FIGN: variants seen among roughly 807,000 people sequenced by gnomAD.
FIGN encodes fidgetin.
A neutral mutation model predicts 51.3 loss-of-function variants in FIGN; 11 were observed. The ratio of observed to expected loss-of-function variants is 0.21; its 90% CI spans 0.13 to 0.35. The LOEUF is 0.35. FIGN is among the 10% of genes least tolerant of loss of function. The probability of loss-of-function intolerance (pLI) is 1.00; values close to 1 mark genes in which losing one functional copy is unlikely to be tolerated. For synonymous variants in FIGN, 407 were observed against 363.2 expected (o/e 1.12, Z -1.37); for missense variants, 857 against 943.6 (o/e 0.91, Z 1.20).
intron 2 of FIGN, among the ~76,000 whole-genome samples, chr2:163,642,029 A>G (rs1683313601): frequency 6.6e-6 from 1 of 152,216 alleles, no homozygotes; most frequent in Non-Finnish European, 1.5e-5. Flanking sequence ...GCATGATCAT[A>G]CACCAGCCTA....
chr2:163,686,033 C>T (rs1328287736), intron 2 of FIGN, among the ~76,000 whole-genome samples: 2 of 152,214 alleles, frequency 1.3e-5, no homozygotes, highest in East Asian at 3.8e-4. Context: ...GTCAATTTCG[C>T]AGTAAGCCTT....
rs1436555050 is a variant in FIGN, at chr2:163,725,438, A to AT, written c.25+9464dup. Among the ~76,000 whole-genome samples, 17 of 152,150 alleles carry AT rather than the reference A, an allele frequency of 1.1e-4. No individual in the cohort carries two copies. The East Asian group carries it at 2.5e-3, about 22-fold the overall frequency. ...AACAAGCTGTTAGAAAATAAAGACA[A>AT]TTTTTTTAAAAATTATGTATTTAAG... On this transcript the variant is annotated intron_variant, in intron 2 of 2. Coordinates refer to ENST00000333129, the MANE Select transcript of FIGN (RefSeq NM_018086.4).
In FIGN at chr2:163,610,833, A is replaced by G. The variant is rs1421838122; in HGVS notation, c.999T>C (p.Tyr333=). ...TCTGTTGGCCATAGCTGTAATTTCCATAACTGGAGTCCATATCTCCTTGCC... is the reference window on the plus strand; with the variant it reads ...TCTGTTGGCCATAGCTGTAATTTCCGTAACTGGAGTCCATATCTCCTTGCC... ...MAGQGDMDSS[Y]GNYSYGQQRS... The change falls in exon 3 of 3, where the codon TAT becomes TAC. Residue 333 remains tyrosine, a synonymous_variant. Coordinates refer to ENST00000333129, the MANE Select transcript of FIGN (RefSeq NM_018086.4). 1 of 1,613,590 alleles carries G rather than the reference A, an allele frequency of 6.2e-7. No homozygotes were observed. The highest frequency in any genetic ancestry group is 1.3e-5 in the African/African-American group (1 of 74,740).
rs151256634 is a variant in FIGN, at chr2:163,712,075, C to T, written c.25+22828G>A. On this transcript the variant is annotated intron_variant, in intron 2 of 2. Transcript: ENST00000333129. ...CCTTTTTTTAAACATAAGAATGATG[C>T]ACCAGGAACAACTACAAAGTACAAA... Among the ~76,000 whole-genome samples the T allele has an allele frequency of 2.1e-3, 326 of 152,166 alleles. 1 individual carries two copies. Among genetic ancestry groups the T allele is most frequent in the African/African-American group, 7.3e-3 (304 of 41,522 alleles).
intron 2 of FIGN, among the ~76,000 whole-genome samples, chr2:163,690,734 G>C (rs1221990424): frequency 6.6e-6 from 1 of 152,062 alleles, no homozygotes; most frequent in Non-Finnish European, 1.5e-5. Flanking sequence ...ATTATTTTAT[G>C]TGTATTTAAT....
chr2:163,733,028 G>T (rs1474501829), intron 2 of FIGN, among the ~76,000 whole-genome samples: 1 of 152,110 alleles, frequency 6.6e-6, no homozygotes, highest in African/African-American at 2.4e-5. Context: ...AAAATAATCA[G>T]AGTAAAGAAT....
At position 163,610,925 on chromosome 2, in the gene FIGN, T is replaced by C. The variant is rs763838524; in HGVS notation, c.907A>G (p.Ile303Val). 11 of 1,612,486 alleles carry C rather than the reference T, an allele frequency of 6.8e-6. No individual in the cohort carries two copies. In the African/African-American group the frequency reaches 8.1e-5, roughly 12 times the overall value. Reference protein sequence around the residue: ...YTYQGHGLTPIAPSALTNSSA... With the variant: ...YTYQGHGLTPVAPSALTNSSA... ...CTGTTTGTCAGAGCCGACGGTGCAA[T>C]AGGTGTCAAACCATGGCCCTGGTAG... is the stretch of plus-strand genomic sequence containing the variant. Residue 303 changes from isoleucine (I) to valine (V), a missense_variant, in exon 3 of 3, where the codon ATT (isoleucine) becomes GTT (valine). Around this residue, in one of 3 missense-constraint regions of FIGN, gnomAD observed 799 missense variants for 849.5 expected, o/e 0.94. Transcript: ENST00000333129.
intron 2 of FIGN, among the ~76,000 whole-genome samples, chr2:163,733,942 CA>C (rs36027114): frequency 0.6 from 59,734 of 100,038 alleles, 15,566 homozygotes; most frequent in East Asian, 0.72. Flanking sequence ...TAGCAACAAC[CA>C]AAAAAAAAAA....
At chr2:163,667,401 C>T (rs1238665328) in intron 2 of FIGN, among the ~76,000 whole-genome samples, 3 of 151,172 alleles carry the variant, frequency 2.0e-5, no homozygotes, top group African/African-American at 7.3e-5. Context: ...TGCTTGAAAT[C>T]TGTCAACATT....
At chr2:163,731,385 A>G (rs931556273) in intron 2 of FIGN, among the ~76,000 whole-genome samples, 2 of 152,166 alleles carry the variant, frequency 1.3e-5, no homozygotes, top group African/African-American at 4.8e-5. Context: ...ATTCTTGGAA[A>G]TACTACCTAT....
intron 2 of FIGN, among the ~76,000 whole-genome samples, chr2:163,700,162 T>C (rs1027484354): frequency 4.6e-5 from 7 of 152,172 alleles, no homozygotes; most frequent in Non-Finnish European, 1.0e-4. Flanking sequence ...TAGTAAACTA[T>C]TGACATTGTG....
intron 2 of FIGN, among the ~76,000 whole-genome samples, chr2:163,635,359 C>T (rs144181659): frequency 1.5e-3 from 225 of 152,204 alleles, no homozygotes; most frequent in Middle Eastern, 3.4e-3. Flanking sequence ...CTTGAACCTA[C>T]GAGCTAGAGA....
rs1691015656 is a variant in FIGN, at chr2:163,603,352, G to A, written c.*6200C>T. On this transcript the variant is annotated 3_prime_UTR_variant, in exon 3 of 3. Coordinates refer to ENST00000333129, the MANE Select transcript of FIGN (RefSeq NM_018086.4). The stretch of plus-strand genomic sequence containing the variant: ...AGGGGTCAAAATCTGGTCAAATCCA[G>A]CGTATTGTTTCAATTTAAGCAAATA... 1 of 152,042 alleles carries A rather than the reference G, an allele frequency of 6.6e-6. No homozygotes were observed. Among genetic ancestry groups the A allele is most frequent in the South Asian group, 2.1e-4 (1 of 4,832 alleles). 9.4% of individuals were successfully genotyped at this position (152,042 alleles called of 1,614,324 possible).
chr2:163,719,453 C>A (rs1193705651), intron 2 of FIGN, among the ~76,000 whole-genome samples: 1 of 152,144 alleles, frequency 6.6e-6, no homozygotes, highest in Non-Finnish European at 1.5e-5. Flanking sequence ...CACAGCCCAA[C>A]CAACTGACTT....
chr2:163,732,292 G>C (rs1269937850), intron 2 of FIGN, among the ~76,000 whole-genome samples: 1 of 152,188 alleles, frequency 6.6e-6, no homozygotes, highest in Non-Finnish European at 1.5e-5. Flanking sequence ...TAGAGACGAT[G>C]TGTACAAGCA....
At position 163,605,098 on chromosome 2, in the gene FIGN, A is replaced by G. The variant is rs1390034943; in HGVS notation, c.*4454T>C. ...GGCAAGGCTGACCCATGCTGCCGAC[A>G]TTCTACATATCACTGAGACAGGGAG... On this transcript the variant is annotated 3_prime_UTR_variant, in exon 3 of 3. Coordinates refer to ENST00000333129, the MANE Select transcript of FIGN (RefSeq NM_018086.4). 1 of 151,960 alleles carries G rather than the reference A, an allele frequency of 6.6e-6. No homozygotes were observed. Among genetic ancestry groups the G allele is most frequent in the Non-Finnish European group, 1.5e-5 (1 of 67,978 alleles). The allele number at this position is 151,960 out of a possible 1,614,324, so 9.4% of individuals were successfully genotyped here.
In FIGN at chr2:163,656,360, G is replaced by T. The variant is rs117292185; in HGVS notation, c.26-44554C>A. ...CTCTAAATTGAGTGAGATTAGAAAT[G>T]AAACTTTTATGGTCATAACGAAACA... On this transcript the variant is annotated intron_variant, in intron 2 of 2. Coordinates refer to ENST00000333129, the MANE Select transcript of FIGN (RefSeq NM_018086.4). 5.9e-5 allele frequency among the ~76,000 whole-genome samples: 9 copies of T among 152,256 alleles called. No homozygotes were observed. The East Asian group carries it at 1.7e-3, about 29-fold the overall frequency.
At position 163,699,541 on chromosome 2, in the gene FIGN, C is replaced by A. The variant is rs549070142; in HGVS notation, c.25+35362G>T. 6.6e-5 allele frequency among the ~76,000 whole-genome samples: 10 copies of A among 152,052 alleles called. No individual in the cohort carries two copies. The South Asian group carries it at 2.1e-3, about 32-fold the overall frequency. Reference sequence around the variant, plus strand: ...ATGTTCACATGAATGTACTTTCTTACCTTGTTTTACATTTAGAACATCTTT... The same window carrying A: ...ATGTTCACATGAATGTACTTTCTTAACTTGTTTTACATTTAGAACATCTTT... On this transcript the variant is annotated intron_variant, in intron 2 of 2. Coordinates refer to ENST00000333129, the MANE Select transcript of FIGN (RefSeq NM_018086.4).
chr2:163,671,579 T>A (rs1683876963), intron 2 of FIGN, among the ~76,000 whole-genome samples: 1 of 152,192 alleles, frequency 6.6e-6, no homozygotes. Context: ...AACTGAAAGA[T>A]AACTCACAAA....
Sources: gnomAD v4.1 joint callset for allele counts (sites outside exome capture counted in the v4.1 genomes callset) on GRCh38, gnomAD v4.1.1 for gene constraint, gnomAD v4.1.1 regional missense constraint, MANE v1.5 for transcripts, NCBI Gene and HGNC (gene_info 2026-07-23, HGNC 2026-07-21) for gene names.